EVI5: variants seen among roughly 807,000 people sequenced by gnomAD.
EVI5 encodes the protein ecotropic viral integration site 5 protein homolog.
EVI5 carries 73 observed loss-of-function variants against 112.0 expected under a neutral mutation model. The ratio of observed to expected loss-of-function variants is 0.65; its 90% CI spans 0.54 to 0.79. EVI5 has a LOEUF of 0.79. EVI5 is among the 30% of genes least tolerant of loss of function. The pLI, the probability that EVI5 is intolerant of heterozygous loss-of-function variation, is 0.00. For synonymous variants in EVI5, 305 were observed against 319.9 expected (o/e 0.95, Z 0.50); for missense variants, 900 against 968.8 (o/e 0.93, Z 0.94).
intron 16 of EVI5, among the ~76,000 whole-genome samples, chr1:92,616,463 C>CTG (rs1653181577): frequency 6.6e-6 from 1 of 152,156 alleles, no homozygotes; most frequent in Admixed American, 6.5e-5. Flanking sequence ...GGCAAAGCGG[C>CTG]AATCAGAATA....
chr1:92,790,823 C>CA (rs796844421), intron 1 of EVI5, among the ~76,000 whole-genome samples: 225 of 124,098 alleles, frequency 1.8e-3, no homozygotes, highest in Middle Eastern at 4.3e-3. Context: ...GATCCTGTCT[C>CA]AAAAAAAAAA....
intron 13 of EVI5, among the ~76,000 whole-genome samples, chr1:92,648,210 A>AAAAAAAAAAAAAAAC (rs1661363241): frequency 5.4e-4 from 1 of 1,858 alleles, no homozygotes; most frequent in Non-Finnish European, 9.5e-4. Context: ...AAAAAAAAAA[A>AAAAAAAAAAAAAAAC]AAAAAAAACA....
intron 18 of EVI5, among the ~76,000 whole-genome samples, chr1:92,590,895 T>A (rs1437787572): frequency 6.6e-6 from 1 of 152,210 alleles, no homozygotes; most frequent in East Asian, 1.9e-4. Flanking sequence ...GGGAAGCCCA[T>A]TAGACTAACA....
intron 18 of EVI5, among the ~76,000 whole-genome samples, chr1:92,570,162 G>A (rs1670116369): frequency 6.6e-6 from 1 of 152,130 alleles, no homozygotes; most frequent in Non-Finnish European, 1.5e-5. Flanking sequence ...ATTCTCATAG[G>A]AGGTATTCTC....
In EVI5 at chr1:92,792,302, A is replaced by G. The variant is rs749826261; in HGVS notation, c.51+42T>C. 109 of 1,309,104 alleles carry G rather than the reference A, an allele frequency of 8.3e-5. No homozygotes were observed. The Admixed American group carries it at 1.8e-3, about 22-fold the overall frequency. 81.1% of individuals were successfully genotyped at this position (1,309,104 alleles called of 1,614,324 possible). On this transcript the variant is annotated intron_variant, in intron 1 of 17. Coordinates refer to the EVI5 transcript ENST00000370331. ...TTTCTGTTACAGCAATTACATTTTT[A>G]TAAGTTTTAATATAAAATCAAACAT...
chr1:92,651,687 TA>T (rs1662119694), intron 13 of EVI5, among the ~76,000 whole-genome samples: 1 of 126,236 alleles, frequency 7.9e-6, no homozygotes, highest in South Asian at 3.1e-4. Flanking sequence ...CCGTCTCTAT[TA>T]AAAATACAAA....
At chr1:92,618,919 T>C (rs185562082) in intron 16 of EVI5, among the ~76,000 whole-genome samples, 5 of 152,358 alleles carry the variant, frequency 3.3e-5, no homozygotes, top group Non-Finnish European at 7.3e-5. Context: ...TAACTTTATG[T>C]AATAGTATTT....
At chr1:92,738,768 A>G (rs1051171465) in intron 1 of EVI5, among the ~76,000 whole-genome samples, 7 of 152,176 alleles carry the variant, frequency 4.6e-5, no homozygotes, top group African/African-American at 1.7e-4. Context: ...TAGAAATCCC[A>G]CAGGGCTAAA....
At chr1:92,618,330 C>T (rs2101713736) in intron 16 of EVI5, among the ~76,000 whole-genome samples, 1 of 152,240 alleles carries the variant, frequency 6.6e-6, no homozygotes, top group Non-Finnish European at 1.5e-5. Context: ...AACGCTACCA[C>T]CAGAAGACAC....
chr1:92,675,950 C>T (rs1460165003), intron 10 of EVI5, among the ~76,000 whole-genome samples: 1 of 132,296 alleles, frequency 7.6e-6, no homozygotes, highest in Non-Finnish European at 1.5e-5. Flanking sequence ...AGCGAGACTT[C>T]GTCTCAAAAA....
At chr1:92,533,087 T>TA (rs1259761406) in intron 19 of EVI5, among the ~76,000 whole-genome samples, 7 of 129,274 alleles carry the variant, frequency 5.4e-5, no homozygotes, top group Admixed American at 2.3e-4. Context: ...ATAGGTGCAA[T>TA]AAAAAAAATG....
intron 16 of EVI5, among the ~76,000 whole-genome samples, chr1:92,610,913 T>C (rs7534997): frequency 0.92 from 139,249 of 150,860 alleles, 64,273 homozygotes; most frequent in East Asian, 0.97. Flanking sequence ...CACATGGACA[T>C]AGGAAGGGGA....
chr1:92,526,617 G>A (rs1223309689), intron 19 of EVI5, among the ~76,000 whole-genome samples: 1 of 152,208 alleles, frequency 6.6e-6, no homozygotes, highest in African/African-American at 2.4e-5. Context: ...GCCAGATAGT[G>A]TATGATTATG....
At chr1:92,610,220 C>T (rs1244273656) in intron 16 of EVI5, among the ~76,000 whole-genome samples, 1 of 152,128 alleles carries the variant, frequency 6.6e-6, no homozygotes, top group African/African-American at 2.4e-5. Context: ...ATAAGTCTGT[C>T]TACAAAATTA....
At chr1:92,685,752 G>A (rs1468528793) in intron 9 of EVI5, among the ~76,000 whole-genome samples, 1 of 152,164 alleles carries the variant, frequency 6.6e-6, no homozygotes, top group South Asian at 2.1e-4. Context: ...ACAACCATCA[G>A]AGAATACTAT....
intron 14 of EVI5, among the ~76,000 whole-genome samples, chr1:92,634,374 G>A (rs950944318): frequency 3.0e-4 from 46 of 152,150 alleles, no homozygotes; most frequent in African/African-American, 1.0e-3. Flanking sequence ...GACTTTTTTC[G>A]TTTCTTTTTA....
chr1:92,675,281 C>T (rs1214801270), intron 10 of EVI5, among the ~76,000 whole-genome samples: 2 of 152,084 alleles, frequency 1.3e-5, no homozygotes, highest in East Asian at 1.9e-4. Flanking sequence ...GAGGTCAAGG[C>T]TGCAAATGAG....
At chr1:92,777,993 C>A (rs1466690995) in intron 1 of EVI5, among the ~76,000 whole-genome samples, 1 of 151,812 alleles carries the variant, frequency 6.6e-6, no homozygotes, top group Non-Finnish European at 1.5e-5. Flanking sequence ...ACTGCTACCT[C>A]CACCTCCTGG....
intron 18 of EVI5, among the ~76,000 whole-genome samples, chr1:92,592,176 G>C (rs1293109986): frequency 6.6e-6 from 1 of 152,184 alleles, no homozygotes; most frequent in African/African-American, 2.4e-5. Flanking sequence ...CCAGGAGGCA[G>C]AGCTTGCAGT....
Sources: allele counts gnomAD v4.1 joint callset (sites outside exome capture counted in the v4.1 genomes callset), GRCh38; gene constraint gnomAD v4.1.1; transcripts MANE v1.5; gene names NCBI Gene and HGNC (gene_info 2026-07-23, HGNC 2026-07-21).